Variants in UBE2E2 observed in about 807,000 individuals in gnomAD.
UBE2E2 encodes the protein ubiquitin-conjugating enzyme E2 E2.
UBE2E2 carries 6 observed loss-of-function variants against 24.7 expected under a neutral mutation model. The observed-to-expected ratio is 0.24, with a 90% CI of 0.13 to 0.48. UBE2E2 has a LOEUF of 0.48. Among genes scored for constraint, UBE2E2 ranks in the 20% least tolerant of loss-of-function variants. UBE2E2 has a pLI of 0.99. For synonymous variants in UBE2E2, 104 were observed against 83.6 expected (o/e 1.24, Z -1.33); for missense variants, 169 against 245.0 (o/e 0.69, Z 2.07).
At chr3:23,332,139 T>C (rs886536237) in intron 3 of UBE2E2, among the ~76,000 whole-genome samples, 2 of 152,200 alleles carry the variant, frequency 1.3e-5, no homozygotes, top group African/African-American at 2.4e-5. Flanking sequence ...CTTTATTATT[T>C]ATATCTTTCC....
At chr3:23,417,638 G>C (rs1697673504) in intron 3 of UBE2E2, among the ~76,000 whole-genome samples, 1 of 152,204 alleles carries the variant, frequency 6.6e-6, no homozygotes, top group Non-Finnish European at 1.5e-5. Flanking sequence ...ATTTAAGTCT[G>C]CTGAAGCTGC....
intron 4 of UBE2E2, among the ~76,000 whole-genome samples, chr3:23,513,277 A>G (rs754195636): frequency 1.3e-5 from 2 of 152,214 alleles, no homozygotes; most frequent in Non-Finnish European, 2.9e-5. Context: ...TTCAAACAGC[A>G]CAAAAGGTAT....
chr3:23,332,527 TA>T (rs1450872811), intron 3 of UBE2E2, among the ~76,000 whole-genome samples: 1 of 152,236 alleles, frequency 6.6e-6, no homozygotes, highest in African/African-American at 2.4e-5. Context: ...CTTTAAAATT[TA>T]AAAACTGTAT....
chr3:23,370,019 C>T (rs1363305359), intron 3 of UBE2E2, among the ~76,000 whole-genome samples: 1 of 152,154 alleles, frequency 6.6e-6, no homozygotes, highest in Non-Finnish European at 1.5e-5. Context: ...TGTAAGTTCT[C>T]CATGCTGTTG....
intron 5 of UBE2E2, among the ~76,000 whole-genome samples, chr3:23,563,508 A>G (rs1695986890): frequency 1.3e-5 from 2 of 152,116 alleles, no homozygotes; most frequent in Non-Finnish European, 2.9e-5. Context: ...TCAGTTTTGG[A>G]ATAGGTGTGT....
At chr3:23,502,011 A>G (rs555802150) in intron 4 of UBE2E2, among the ~76,000 whole-genome samples, 1 of 152,204 alleles carries the variant, frequency 6.6e-6, no homozygotes, top group African/African-American at 2.4e-5. Context: ...AACTCCTAAT[A>G]TATCAGTTTT....
At chr3:23,559,264 T>C (rs532208697) in intron 5 of UBE2E2, among the ~76,000 whole-genome samples, 153 of 152,286 alleles carry the variant, frequency 1.0e-3, no homozygotes, top group Middle Eastern at 3.4e-3. Context: ...TTCAAGTGCA[T>C]TTGATTAAGC....
intron 3 of UBE2E2, among the ~76,000 whole-genome samples, chr3:23,451,677 G>A (rs1459425574): frequency 6.6e-6 from 1 of 152,194 alleles, no homozygotes; most frequent in African/African-American, 2.4e-5. Flanking sequence ...AACATGAAAA[G>A]TATAGAGGTA....
intron 3 of UBE2E2, among the ~76,000 whole-genome samples, chr3:23,248,094 T>C (rs1480540722): frequency 6.6e-6 from 1 of 152,250 alleles, no homozygotes; most frequent in African/African-American, 2.4e-5. Flanking sequence ...TGCAAAAGTG[T>C]AGATCATGAT....
chr3:23,523,948 G>A (rs1694928402), intron 4 of UBE2E2, among the ~76,000 whole-genome samples: 2 of 149,362 alleles, frequency 1.3e-5, no homozygotes, highest in South Asian at 2.1e-4. Context: ...ATGGCATGGG[G>A]GCTTCAAATA....
chr3:23,468,011 C>T (rs1044151365), intron 3 of UBE2E2, among the ~76,000 whole-genome samples: 1 of 152,154 alleles, frequency 6.6e-6, no homozygotes, highest in Non-Finnish European at 1.5e-5. Flanking sequence ...CCCACCAGGT[C>T]CCTCCTCCAA....
intron 3 of UBE2E2, among the ~76,000 whole-genome samples, chr3:23,360,943 G>A (rs770371606): frequency 1.4e-5 from 2 of 144,846 alleles, no homozygotes; most frequent in African/African-American, 2.6e-5. Flanking sequence ...TTTGATAAAG[G>A]ACTAAAATCC....
chr3:23,472,247 T>G (rs1277953930), intron 3 of UBE2E2, among the ~76,000 whole-genome samples: 1 of 152,212 alleles, frequency 6.6e-6, no homozygotes, highest in East Asian at 1.9e-4. Context: ...TACCTTCAGT[T>G]ACAGCTCCCC....
chr3:23,241,196 A>G (rs62255292), intron 3 of UBE2E2, among the ~76,000 whole-genome samples: 25,500 of 152,050 alleles, frequency 0.17, 2,278 homozygotes, highest in South Asian at 0.26. Context: ...TCTGTCATCA[A>G]ATCGTTTTTG....
chr3:23,421,087 T>C (rs1697785421), intron 3 of UBE2E2, among the ~76,000 whole-genome samples: 1 of 152,240 alleles, frequency 6.6e-6, no homozygotes, highest in African/African-American at 2.4e-5. Flanking sequence ...ATCTACTTTC[T>C]ACTGTGTGCA....
At chr3:23,480,141 A>T (rs1699226177) in intron 3 of UBE2E2, among the ~76,000 whole-genome samples, 1 of 152,186 alleles carries the variant, frequency 6.6e-6, no homozygotes, top group South Asian at 2.1e-4. Context: ...GTCCATGCCA[A>T]GCTGCCCGCA....
chr3:23,264,258 A>ACATTT (rs71266421), intron 3 of UBE2E2, among the ~76,000 whole-genome samples: 10,189 of 152,164 alleles, frequency 0.067, 491 homozygotes, highest in Non-Finnish European at 0.092. Context: ...AAGAGAAAGA[A>ACATTT]CATTTTACTG....
chr3:23,555,557 A>G (rs1695756806), intron 5 of UBE2E2, among the ~76,000 whole-genome samples: 1 of 152,120 alleles, frequency 6.6e-6, no homozygotes, highest in Non-Finnish European at 1.5e-5. Context: ...AGATACCTGC[A>G]CTCTCGTGTT....
At chr3:23,554,186 C>T (rs1285161876) in intron 5 of UBE2E2, among the ~76,000 whole-genome samples, 1 of 152,118 alleles carries the variant, frequency 6.6e-6, no homozygotes, top group African/African-American at 2.4e-5. Context: ...CAGTGCAGTA[C>T]TGGCACAAAA....
Sources: allele counts gnomAD v4.1 joint callset (sites outside exome capture counted in the v4.1 genomes callset), GRCh38; gene constraint gnomAD v4.1.1; transcripts MANE v1.5; gene names NCBI Gene and HGNC (gene_info 2026-07-23, HGNC 2026-07-21).